The following SCN8A variants were observed in gnomAD, a reference collection of about 807,000 sequenced individuals.
The protein encoded by SCN8A is sodium channel protein type 8 subunit alpha.
In SCN8A, 30 loss-of-function variants were observed where a neutral mutation model predicts 184.1. The observed-to-expected ratio is 0.16, with a 90% CI of 0.12 to 0.22. SCN8A has a LOEUF of 0.22. SCN8A is among the 10% of genes least tolerant of loss of function. SCN8A has a pLI of 1.00. For missense variants in SCN8A, 1,057 were observed against 2,498.9 expected (o/e 0.42, Z 12.30); for synonymous variants, 852 against 907.0 (o/e 0.94, Z 1.09).
At chr12:51,805,232 T>C (rs1938666911) in intron 26 of SCN8A, among the ~76,000 whole-genome samples, 2 of 152,140 alleles carry the variant, frequency 1.3e-5, no homozygotes, top group African/African-American at 4.8e-5. Context: ...AGTCTCACAA[T>C]TGTAATGTTA....
At chr12:51,644,809 C>G (rs1261270938) in intron 1 of SCN8A, among the ~76,000 whole-genome samples, 3 of 152,006 alleles carry the variant, frequency 2.0e-5, no homozygotes, top group Non-Finnish European at 4.4e-5. Context: ...TTCCCGGCCG[C>G]CATCACATCT....
chr12:51,644,469 C>A (rs1311185657), intron 1 of SCN8A, among the ~76,000 whole-genome samples: 1 of 152,166 alleles, frequency 6.6e-6, no homozygotes, highest in Non-Finnish European at 1.5e-5. Flanking sequence ...AGTTAGTGGT[C>A]CATATTAAAA....
rs542544934 is a variant in SCN8A at position 51,613,022 on chromosome 12, A to G, written c.-55+21663A>G. On this transcript the variant is annotated intron_variant, in intron 1 of 26. Transcript: ENST00000627620. ...TAGGTGTGAGCCACCATACCCAGCC[A>G]ATTTGCTAATCTTTTTGTTGAGAAG... Among the ~76,000 whole-genome samples, 14 of 152,204 alleles carry G rather than the reference A, an allele frequency of 9.2e-5. No homozygotes were observed. In the East Asian group the frequency reaches 2.7e-3, roughly 29 times the overall value.
chr12:51,743,339 T>C (rs1461493542), intron 12 of SCN8A, among the ~76,000 whole-genome samples: 2 of 152,172 alleles, frequency 1.3e-5, no homozygotes, highest in Admixed American at 6.5e-5. Context: ...TGGGCTTGTT[T>C]GTGCCTGTCC....
At chr12:51,693,871 G>A (rs1051659562) in intron 6 of SCN8A, among the ~76,000 whole-genome samples, 2 of 152,114 alleles carry the variant, frequency 1.3e-5, no homozygotes, top group Non-Finnish European at 2.9e-5. Flanking sequence ...AAACCACTTA[G>A]ATTTCTCAAC....
intron 2 of SCN8A, among the ~76,000 whole-genome samples, chr12:51,678,215 A>G (rs1350320228): frequency 2.0e-5 from 3 of 152,190 alleles, no homozygotes; most frequent in Non-Finnish European, 2.9e-5. Flanking sequence ...TCCTGAGAAC[A>G]GGGGATAAAA....
At chr12:51,644,972 C>T (rs1215868551) in intron 1 of SCN8A, among the ~76,000 whole-genome samples, 5 of 151,908 alleles carry the variant, frequency 3.3e-5, no homozygotes, top group Middle Eastern at 3.4e-3. Flanking sequence ...GCAGCCACCC[C>T]GTCTGGGAAG....
At chr12:51,731,592 T>C (rs770448386) in intron 12 of SCN8A, among the ~76,000 whole-genome samples, 14 of 152,194 alleles carry the variant, frequency 9.2e-5, no homozygotes, top group Non-Finnish European at 1.6e-4. Context: ...TACCCAGTAG[T>C]GGGATTCCGG....
chr12:51,797,185 A>G (rs1436049064), intron 26 of SCN8A, among the ~76,000 whole-genome samples: 1 of 152,176 alleles, frequency 6.6e-6, no homozygotes, highest in Non-Finnish European at 1.5e-5. Flanking sequence ...AATAAATACA[A>G]TAATAAGGTC....
intron 12 of SCN8A, among the ~76,000 whole-genome samples, chr12:51,727,419 CA>C (rs1485591110): frequency 6.7e-6 from 1 of 149,572 alleles, no homozygotes; most frequent in Non-Finnish European, 1.5e-5. Flanking sequence ...AAAAAAAAAC[CA>C]AAAAACACTG....
At chr12:51,616,559 A>G (rs1183555896) in intron 1 of SCN8A, among the ~76,000 whole-genome samples, 1 of 151,920 alleles carries the variant, frequency 6.6e-6, no homozygotes, top group Non-Finnish European at 1.5e-5. Context: ...TACAGTGAGC[A>G]AAGAATGCAC....
intron 13 of SCN8A, among the ~76,000 whole-genome samples, chr12:51,746,998 T>C (rs1386837492): frequency 6.6e-6 from 1 of 152,022 alleles, no homozygotes. Flanking sequence ...CCAAAGTCCC[T>C]GAGACAGGAA....
intron 6 of SCN8A, among the ~76,000 whole-genome samples, chr12:51,697,038 C>CAAA (rs567183376): frequency 4.0e-5 from 5 of 124,266 alleles, no homozygotes; most frequent in African/African-American, 9.2e-5. Context: ...GAATCCGACT[C>CAAA]AAAAAAAAAA....
intron 1 of SCN8A, among the ~76,000 whole-genome samples, chr12:51,599,946 A>T (rs1473135613): frequency 6.6e-6 from 1 of 152,204 alleles, no homozygotes. Context: ...TGTTTTAAAG[A>T]TTAGAGATAG....
intron 12 of SCN8A, among the ~76,000 whole-genome samples, chr12:51,724,115 T>C (rs1393559069): frequency 1.3e-5 from 2 of 152,224 alleles, no homozygotes; most frequent in African/African-American, 4.8e-5. Flanking sequence ...CTCTGGTTTC[T>C]CTTTAGATTG....
At chr12:51,784,491 C>CGAGG (rs1938022214) in intron 21 of SCN8A, among the ~76,000 whole-genome samples, 2 of 152,088 alleles carry the variant, frequency 1.3e-5, no homozygotes, top group Non-Finnish European at 2.9e-5. Flanking sequence ...AGAAGGGCCT[C>CGAGG]CCCTTCTCAG....
At chr12:51,759,123 T>G (rs763124022) in intron 14 of SCN8A, among the ~76,000 whole-genome samples, 1 of 151,946 alleles carries the variant, frequency 6.6e-6, no homozygotes, top group African/African-American at 2.4e-5. Context: ...ATATAAAAAC[T>G]TGTTATATGC....
intron 1 of SCN8A, among the ~76,000 whole-genome samples, chr12:51,649,615 G>A (rs935439034): frequency 1.3e-5 from 2 of 152,192 alleles, no homozygotes; most frequent in Non-Finnish European, 2.9e-5. Context: ...GCCTTGGCCC[G>A]AGCTCTACAT....
chr12:51,667,778 A>G (rs1035501656), intron 2 of SCN8A, among the ~76,000 whole-genome samples: 4 of 152,168 alleles, frequency 2.6e-5, no homozygotes. Context: ...CAGTTGATAT[A>G]TGTGTCTTTT....
Sources: allele counts gnomAD v4.1 joint callset (sites outside exome capture counted in the v4.1 genomes callset), GRCh38; gene constraint gnomAD v4.1.1; transcripts MANE v1.5; gene names NCBI Gene and HGNC (gene_info 2026-07-23, HGNC 2026-07-21).